AKAP6: variants seen among roughly 807,000 people sequenced by gnomAD.
AKAP6 encodes the protein A-kinase anchor protein 6.
AKAP6 carries 58 observed loss-of-function variants against 188.5 expected under a neutral mutation model. The ratio of observed to expected loss-of-function variants is 0.31; its 90% CI spans 0.25 to 0.38. AKAP6 has a LOEUF of 0.38. Ranked by LOEUF, AKAP6 falls within the 10% of genes least tolerant of loss-of-function variation. The pLI is 1.00. For synonymous variants in AKAP6, 989 were observed against 998.6 expected (o/e 0.99, Z 0.18); for missense variants, 2,710 against 2,740.0 (o/e 0.99, Z 0.24).
intron 7 of AKAP6, among the ~76,000 whole-genome samples, chr14:32,643,663 T>C (rs1887861334): frequency 6.6e-6 from 1 of 152,170 alleles, no homozygotes; most frequent in Admixed American, 6.5e-5. Flanking sequence ...TCCCTCCTGA[T>C]TTATGAGCAT....
intron 8 of AKAP6, among the ~76,000 whole-genome samples, chr14:32,687,359 T>A (rs992560686): frequency 6.6e-6 from 1 of 151,864 alleles, no homozygotes; most frequent in African/African-American, 2.4e-5. Flanking sequence ...GGTTTTCTGT[T>A]GAGCAGCATG....
intron 2 of AKAP6, among the ~76,000 whole-genome samples, chr14:32,512,917 TA>T (rs1411638603): frequency 1.3e-5 from 2 of 152,212 alleles, no homozygotes; most frequent in Non-Finnish European, 2.9e-5. Flanking sequence ...AACATAAGTT[TA>T]TATAAACTAA....
chr14:32,349,178 A>G (rs1410341916), intron 1 of AKAP6, among the ~76,000 whole-genome samples: 3 of 152,266 alleles, frequency 2.0e-5, no homozygotes, highest in Admixed American at 1.3e-4. Flanking sequence ...AAGCAATGAC[A>G]TTGTAGTATT....
chr14:32,806,320 G>T (rs1292859528), intron 12 of AKAP6, among the ~76,000 whole-genome samples: 6 of 152,196 alleles, frequency 3.9e-5, no homozygotes, highest in Non-Finnish European at 7.3e-5. Context: ...TTAGATACTT[G>T]ATAGGTGAGT....
chr14:32,523,674 G>A lies in AKAP6; in HGVS notation c.325-11880G>A, dbSNP rs560946570. 2.4e-4 allele frequency among the ~76,000 whole-genome samples: 36 copies of A among 151,194 alleles called. No homozygotes were observed. In the East Asian group the frequency reaches 6.1e-3, roughly 25 times the overall value. ...TGTAGAGATGGGGTCTCACTTTGTCGCCCAGACTGGTCTCGAGCTCCTGAG... is the reference window on the plus strand; with the variant it reads ...TGTAGAGATGGGGTCTCACTTTGTCACCCAGACTGGTCTCGAGCTCCTGAG... On this transcript the variant is annotated intron_variant, in intron 2 of 13. Transcript: ENST00000280979.
At chr14:32,687,400 ATCTCTCTCTCTCTCTCTC>A (rs71115092) in intron 8 of AKAP6, among the ~76,000 whole-genome samples, 20 of 129,004 alleles carry the variant, frequency 1.6e-4, no homozygotes, top group Admixed American at 3.1e-4. Context: ...CATACTAACT[ATCTCTCTCTCTCTCTCTC>A]TCTCTCTCTC....
At chr14:32,452,091 G>A (rs1388454183) in intron 2 of AKAP6, among the ~76,000 whole-genome samples, 8 of 130,026 alleles carry the variant, frequency 6.2e-5, no homozygotes, top group African/African-American at 2.0e-4. Flanking sequence ...GTGCAATCAC[G>A]GCTCACTGCA....
chr14:32,622,741 A>AGCTGTGGCCACGAGCTGG (rs1231737356), intron 7 of AKAP6, among the ~76,000 whole-genome samples: 1 of 152,024 alleles, frequency 6.6e-6, no homozygotes, highest in Non-Finnish European at 1.5e-5. Flanking sequence ...GCAGGTGGGG[A>AGCTGTGGCCACGAGCTGG]GCTGTGGCCA....
At chr14:32,576,994 AG>A in intron 4 of AKAP6, 125 bp from the exon 5 acceptor site, 2 of 1,024,834 alleles carry the variant, frequency 2.0e-6, no homozygotes, top group Middle Eastern at 2.9e-4. Context: ...AAACTAGGAT[AG>A]GAGTGCGGTG....
chr14:32,610,892 T>C (rs753086671), intron 7 of AKAP6, among the ~76,000 whole-genome samples: 1 of 152,204 alleles, frequency 6.6e-6, no homozygotes, highest in Non-Finnish European at 1.5e-5. Context: ...ACTGGACAGC[T>C]TTGGATATCA....
At chr14:32,528,416 C>T (rs1027561088) in intron 2 of AKAP6, among the ~76,000 whole-genome samples, 1 of 151,944 alleles carries the variant, frequency 6.6e-6, no homozygotes, top group Non-Finnish European at 1.5e-5. Context: ...GTTCCAGCAC[C>T]GTTTGTTGAA....
chr14:32,472,053 GCT>G (rs1878812275), intron 2 of AKAP6, among the ~76,000 whole-genome samples: 1 of 151,524 alleles, frequency 6.6e-6, no homozygotes, highest in South Asian at 2.1e-4. Flanking sequence ...GGATTCTGAG[GCT>G]CTGAGATCTA....
intron 10 of AKAP6, 38 bp from the exon 11 acceptor site, chr14:32,735,617 TTTG>T: frequency 7.0e-7 from 1 of 1,429,112 alleles, no homozygotes; most frequent in Non-Finnish European, 9.5e-7. Context: ...TTTTTTTTTG[TTTG>T]TTTGTTTTAT....
chr14:32,462,339 G>A (rs143665589), intron 2 of AKAP6, among the ~76,000 whole-genome samples: 2,364 of 152,248 alleles, frequency 0.016, 34 homozygotes, highest in Non-Finnish European at 0.023. Flanking sequence ...AGAAAGGTCA[G>A]GTTACCTACA....
chr14:32,751,783 T>C (rs2032149962), intron 11 of AKAP6, among the ~76,000 whole-genome samples: 1 of 152,202 alleles, frequency 6.6e-6, no homozygotes, highest in Admixed American at 6.5e-5. Flanking sequence ...TTCATTGTTT[T>C]CATTGCAATT....
chr14:32,398,863 T>A (rs1159742067), intron 1 of AKAP6, among the ~76,000 whole-genome samples: 1 of 143,904 alleles, frequency 6.9e-6, no homozygotes, highest in African/African-American at 2.6e-5. Flanking sequence ...TTTTTTTTTT[T>A]TTTTTTTTGA....
At chr14:32,696,613 A>G (rs889547598) in intron 9 of AKAP6, among the ~76,000 whole-genome samples, 2 of 152,192 alleles carry the variant, frequency 1.3e-5, no homozygotes, top group African/African-American at 2.4e-5. Context: ...TATTAAGTCA[A>G]TACATTTCCA....
chr14:32,346,290 A>G (rs1456304378), intron 1 of AKAP6, among the ~76,000 whole-genome samples: 1 of 152,194 alleles, frequency 6.6e-6, no homozygotes, highest in African/African-American at 2.4e-5. Context: ...TAAGGAGGTT[A>G]AAATAAAGAT....
chr14:32,824,366 G>C lies in AKAP6; in HGVS notation c.6553G>C (p.Ala2185Pro), dbSNP rs3209628. 1 of 1,613,804 alleles carries C rather than the reference G, an allele frequency of 6.2e-7. No individual in the cohort carries two copies. Among genetic ancestry groups the C allele is most frequent in the Non-Finnish European group, 8.5e-7 (1 of 1,179,956 alleles). The change falls in exon 13 of 14, where the codon GCT becomes CCT. Residue 2185 changes from alanine (A) to proline (P), a missense_variant. This residue lies in a region of AKAP6 where 2,473 missense variants were observed against 2,426.1 expected (regional missense o/e 1.02). Coordinates refer to ENST00000280979, the MANE Select transcript of AKAP6 (RefSeq NM_004274.5). ...AAATGAATCTGCAGTTCCCAGCGAA[G>C]CTGCAATGCCACTACAAGCAACAGC... ...PPNESAVPSEAAMPLQATACS... is the reference protein window; with the variant it reads ...PPNESAVPSEPAMPLQATACS...
Sources: allele counts gnomAD v4.1 joint callset (sites outside exome capture counted in the v4.1 genomes callset), GRCh38; gene constraint gnomAD v4.1.1; regional missense constraint gnomAD v4.1.1; transcripts MANE v1.5; gene names NCBI Gene and HGNC (gene_info 2026-07-23, HGNC 2026-07-21).